The following KIAA1958 variants were observed in gnomAD, a reference collection of about 807,000 sequenced individuals.
The protein encoded by KIAA1958 is KIAA1958.
KIAA1958 carries 14 observed loss-of-function variants against 47.2 expected under a neutral mutation model. The observed-to-expected ratio is 0.30, with a 90% CI of 0.20 to 0.46. The LOEUF is 0.46. Ranked by LOEUF, KIAA1958 falls within the 20% of genes least tolerant of loss-of-function variation. The pLI is 1.00. For synonymous variants in KIAA1958, 354 were observed against 353.3 expected (o/e 1.00, Z -0.02); for missense variants, 803 against 909.2 (o/e 0.88, Z 1.50).
chr9:112,497,433 A>G (rs1298099146), intron 1 of KIAA1958, among the ~76,000 whole-genome samples: 1 of 152,220 alleles, frequency 6.6e-6, no homozygotes, highest in East Asian at 1.9e-4. Context: ...GGAGGAGGCC[A>G]TCTGCAAGCC....
At chr9:112,543,567 C>CTTTTTTTTT (rs138422704) in intron 1 of KIAA1958, among the ~76,000 whole-genome samples, 20 of 108,170 alleles carry the variant, frequency 1.8e-4, no homozygotes, top group African/African-American at 7.1e-4. Context: ...TTCTGAGCTT[C>CTTTTTTTTT]TTTTTTTTTT....
chr9:112,536,181 A>G (rs1834851954), intron 1 of KIAA1958, among the ~76,000 whole-genome samples: 1 of 152,248 alleles, frequency 6.6e-6, no homozygotes, highest in African/African-American at 2.4e-5. Flanking sequence ...ACCAAGCCAC[A>G]GAGTGAAGAC....
intron 2 of KIAA1958, among the ~76,000 whole-genome samples, chr9:112,630,413 G>A (rs1588046926): frequency 6.6e-6 from 1 of 152,296 alleles, no homozygotes. Context: ...GGAAGGCCAA[G>A]GCAGGAGGAT....
In KIAA1958 at chr9:112,618,401, G is replaced by T; in HGVS notation, c.1172-27249G>T. 1 of 1,551,204 alleles carries T rather than the reference G, an allele frequency of 6.4e-7. No individual in the cohort carries two copies. The highest frequency in any genetic ancestry group is 8.7e-7 in the Non-Finnish European group (1 of 1,147,138). ...CTTCCATGGATCTACCTTAAAATGG[G>T]GTGATATCCGGCTCCGGGTAACAGA... On this transcript the variant is annotated intron_variant, in intron 2 of 3. Coordinates refer to ENST00000337530, the MANE Select transcript of KIAA1958 (RefSeq NM_133465.4). The surrounding 1 kb of genome is among the most constrained non-coding windows in gnomAD (Gnocchi z 7.1).
At position 112,663,021 on chromosome 9, in the gene KIAA1958, G is replaced by A. The variant is rs1347872352; in HGVS notation, c.*2952G>A. 6.6e-6 allele frequency: 1 copy of A among 152,186 alleles called. No individual in the cohort carries two copies. The highest frequency in any genetic ancestry group is 1.5e-5 in the Non-Finnish European group (1 of 68,034). The allele number at this position is 152,186 out of a possible 1,614,324, so 9.4% of individuals were successfully genotyped here. A position where few individuals can be genotyped will look rare whatever the true frequency, so the allele number is the denominator to read the frequency against. Reference sequence around the variant, plus strand: ...AGAGAAAGAAGTGGGGAGGTAAAGAGCGTTTTCTCCACTTACCTTTGGGTT... The same window carrying A: ...AGAGAAAGAAGTGGGGAGGTAAAGAACGTTTTCTCCACTTACCTTTGGGTT... On this transcript the variant is annotated 3_prime_UTR_variant, in exon 4 of 4. Coordinates refer to ENST00000337530, the MANE Select transcript of KIAA1958 (RefSeq NM_133465.4).
intron 1 of KIAA1958, among the ~76,000 whole-genome samples, chr9:112,507,007 T>A (rs1316096735): frequency 6.6e-6 from 1 of 152,256 alleles, no homozygotes. Context: ...TCTAGGCCAT[T>A]ACATTAGACC....
chr9:112,586,600 A>G (rs1449337463), intron 2 of KIAA1958, among the ~76,000 whole-genome samples: 1 of 152,208 alleles, frequency 6.6e-6, no homozygotes, highest in African/African-American at 2.4e-5. Context: ...GGGCATTTTC[A>G]TATTATACCA....
chr9:112,567,959 CAAAAAAAAAAAA>C (rs35931681), intron 1 of KIAA1958, among the ~76,000 whole-genome samples: 1 of 66,180 alleles, frequency 1.5e-5, no homozygotes, highest in Non-Finnish European at 2.7e-5. Context: ...GAATCCATCT[CAAAAAAAAAAAA>C]AAAAAAAAAA....
intron 2 of KIAA1958, among the ~76,000 whole-genome samples, chr9:112,635,757 A>G (rs559459033): frequency 1.3e-5 from 2 of 152,188 alleles, no homozygotes; most frequent in Non-Finnish European, 1.5e-5. Flanking sequence ...TTCTGGTGCA[A>G]TAATTTGTGC....
intron 2 of KIAA1958, among the ~76,000 whole-genome samples, chr9:112,592,749 A>G (rs1022447915): frequency 6.6e-6 from 1 of 152,228 alleles, no homozygotes. Flanking sequence ...AGATAGTGCT[A>G]AAACCTAGAA....
At chr9:112,568,079 G>A (rs1341552303) in intron 1 of KIAA1958, among the ~76,000 whole-genome samples, 2 of 149,546 alleles carry the variant, frequency 1.3e-5, no homozygotes, top group Admixed American at 6.7e-5. Flanking sequence ...AAACACAGCA[G>A]AACACTTCAT....
At chr9:112,524,316 G>T (rs2132800522) in intron 1 of KIAA1958, among the ~76,000 whole-genome samples, 1 of 152,342 alleles carries the variant, frequency 6.6e-6, no homozygotes, top group Non-Finnish European at 1.5e-5. Context: ...TCTCTTTTGT[G>T]TATTGAACAG....
chr9:112,487,083 C>T lies in KIAA1958; in HGVS notation c.-60C>T. ...GCTCTCGCAGGCCCCCCCGCGCCGA[C>T]CGCGTTCCTATGGACAGACGCACAG... On this transcript the variant is annotated 5_prime_UTR_variant, in exon 1 of 4. Coordinates refer to ENST00000337530, the MANE Select transcript of KIAA1958 (RefSeq NM_133465.4). The T allele has an allele frequency of 4.4e-6, 1 of 226,840 alleles. No homozygotes were observed. Among genetic ancestry groups the T allele is most frequent in the East Asian group, 1.6e-4 (1 of 6,130 alleles). The allele number at this position is 226,840 out of a possible 1,614,324, so 14.1% of individuals were successfully genotyped here. A position where few individuals can be genotyped will look rare whatever the true frequency, so the allele number is the denominator to read the frequency against.
At position 112,659,901 on chromosome 9, in the gene KIAA1958, A is replaced by T. The variant is rs1005367631; in HGVS notation, c.1983A>T (p.Thr661=). 1 of 1,614,086 alleles carries T rather than the reference A, an allele frequency of 6.2e-7. No homozygotes were observed. Among genetic ancestry groups the T allele is most frequent in the Non-Finnish European group, 8.5e-7 (1 of 1,180,032 alleles). Residue 661 remains threonine, a synonymous_variant, in exon 4 of 4, where the codon ACA becomes ACT. Coordinates refer to ENST00000337530, the MANE Select transcript of KIAA1958 (RefSeq NM_133465.4). The part of the protein sequence containing the change: ...PFYLTARKEA[T]DMGSVWYEEQ... ...ACCTGACTGCCAGGAAGGAGGCCACAGACATGGGCAGCGTGTGGTATGAGG... is the reference window on the plus strand; with the variant it reads ...ACCTGACTGCCAGGAAGGAGGCCACTGACATGGGCAGCGTGTGGTATGAGG...
intron 2 of KIAA1958, among the ~76,000 whole-genome samples, chr9:112,579,370 T>C (rs931381423): frequency 6.6e-6 from 1 of 152,168 alleles, no homozygotes; most frequent in Admixed American, 6.5e-5. Context: ...TATTCTTTTA[T>C]GGTTTTCTTT....
At chr9:112,521,345 T>C (rs901317946) in intron 1 of KIAA1958, among the ~76,000 whole-genome samples, 4 of 152,092 alleles carry the variant, frequency 2.6e-5, no homozygotes, top group African/African-American at 9.7e-5. Context: ...AAGGAGTAGC[T>C]GGGACCACAG....
In KIAA1958 at chr9:112,668,755, T is replaced by C. The variant is rs537474495; in HGVS notation, c.*8686T>C. 6.6e-6 allele frequency: 1 copy of C among 152,364 alleles called. No individual in the cohort carries two copies. Among genetic ancestry groups the C allele is most frequent in the South Asian group, 2.1e-4 (1 of 4,830 alleles). 9.4% of individuals were successfully genotyped at this position (152,364 alleles called of 1,614,324 possible). The stretch of plus-strand genomic sequence containing the variant: ...TTTGCATTTCCTTAGTTTTTCATTC[T>C]GAAACAGAGCAAAACATCTTCCCAA... On this transcript the variant is annotated 3_prime_UTR_variant, in exon 4 of 4. Coordinates refer to ENST00000337530, the MANE Select transcript of KIAA1958 (RefSeq NM_133465.4).
chr9:112,543,260 G>T lies in KIAA1958; in HGVS notation c.-24-30797G>T, dbSNP rs150987271. Among the ~76,000 whole-genome samples, 404 of 138,298 alleles carry T rather than the reference G, an allele frequency of 2.9e-3. 7 individuals carry two copies. Among genetic ancestry groups the T allele is most frequent in the Admixed American group, 0.027 (358 of 13,500 alleles). 90.7% of individuals were successfully genotyped at this position (138,298 alleles called of 152,430 possible). A position where few individuals can be genotyped will look rare whatever the true frequency, so the allele number is the denominator to read the frequency against. On this transcript the variant is annotated intron_variant, in intron 1 of 3. Transcript: ENST00000337530. ...TTGTTTGTTTGTTTGTTTTAAAGCA[G>T]CAGTAAAACACATTGTGGGTGCACA...
chr9:112,518,026 C>T (rs77894993), intron 1 of KIAA1958, among the ~76,000 whole-genome samples: 2,610 of 152,280 alleles, frequency 0.017, 70 homozygotes, highest in African/African-American at 0.06. Flanking sequence ...TAAAAACATA[C>T]ACTTCCCACC....
Sources: allele counts gnomAD v4.1 joint callset (sites outside exome capture counted in the v4.1 genomes callset), GRCh38; gene constraint gnomAD v4.1.1; non-coding constraint Gnocchi (gnomAD v3.1); transcripts MANE v1.5; gene names NCBI Gene and HGNC (gene_info 2026-07-23, HGNC 2026-07-21).